TMEFF1: variants seen among roughly 807,000 people sequenced by gnomAD.
The protein encoded by TMEFF1 is transmembrane protein with EGF like and two follistatin like domains 1, also known as tomoregulin-1.
TMEFF1 carries 20 observed loss-of-function variants against 47.5 expected under a neutral mutation model. That is an observed-to-expected ratio of 0.42 (90% confidence interval 0.30 to 0.61). TMEFF1 has a LOEUF of 0.61. TMEFF1 is among the 20% of genes least tolerant of loss of function. The probability of loss-of-function intolerance (pLI) is 0.19; values close to 1 mark genes in which losing one functional copy is unlikely to be tolerated. For synonymous variants in TMEFF1, 162 were observed against 166.3 expected, an observed-to-expected ratio of 0.97 and a Z score of 0.20; for missense variants, 411 against 471.1, an observed-to-expected ratio of 0.87 and a Z score of 1.18.
chr9:100,508,871 CAAAAAAA>C (rs35051442), intron 2 of TMEFF1, 127 bp from the exon 3 acceptor site: 1 of 863,350 alleles, frequency 1.2e-6, no homozygotes, highest in African/African-American at 2.2e-5. Context: ...CTTTTTAAGC[CAAAAAAA>C]AAAAAAAACC....
intron 7 of TMEFF1, among the ~76,000 whole-genome samples, chr9:100,555,650 C>A (rs1838902360): frequency 6.6e-6 from 1 of 152,176 alleles, no homozygotes; most frequent in African/African-American, 2.4e-5. Flanking sequence ...TTACTGAGTT[C>A]ATTATCAGTG....
chr9:100,511,747 A>G (rs1016178134), intron 3 of TMEFF1, among the ~76,000 whole-genome samples: 2 of 152,168 alleles, frequency 1.3e-5, no homozygotes. Context: ...TTCATCTGAC[A>G]TAAGTACCTC....
intron 5 of TMEFF1, 110 bp downstream of exon 5, chr9:100,516,881 A>C (rs1838084216): frequency 2.2e-6 from 3 of 1,379,610 alleles, no homozygotes; most frequent in Non-Finnish European, 2.9e-6. Flanking sequence ...TGTGTTTTCA[A>C]ATTTTTTTTT....
In TMEFF1 at chr9:100,487,820, G is replaced by A. The variant is rs780823336; in HGVS notation, c.197-10945G>A. 5.9e-4 allele frequency among the ~76,000 whole-genome samples: 89 copies of A among 151,204 alleles called. 1 individual carries two copies. The highest frequency in any genetic ancestry group is 2.5e-4 in the Non-Finnish European group (17 of 67,890). On this transcript the variant is annotated intron_variant, in intron 1 of 9. Transcript: ENST00000374879. The stretch of plus-strand genomic sequence containing the variant: ...ACTGGGATTCTCAGATTTAGCACTT[G>A]GTCAAGATCATATAGTTACTTTTAC...
chr9:100,527,391 C>T (rs920109403), intron 5 of TMEFF1, among the ~76,000 whole-genome samples: 1 of 152,288 alleles, frequency 6.6e-6, no homozygotes, highest in Non-Finnish European at 1.5e-5. Flanking sequence ...GCGCACAGTG[C>T]GTGAGCCGAA....
At chr9:100,557,198 A>T (rs1255460809) in intron 7 of TMEFF1, among the ~76,000 whole-genome samples, 1 of 151,760 alleles carries the variant, frequency 6.6e-6, no homozygotes, top group African/African-American at 2.4e-5. Flanking sequence ...TAGTATGTTT[A>T]CAGAGTTGTA....
intron 5 of TMEFF1, among the ~76,000 whole-genome samples, chr9:100,542,738 A>G (rs146907310): frequency 2.6e-5 from 4 of 151,970 alleles, no homozygotes; most frequent in African/African-American, 4.8e-5. Flanking sequence ...CAGTATGTGG[A>G]TCCATTTTTA....
At chr9:100,564,745 G>C (rs1839089824) in intron 8 of TMEFF1, among the ~76,000 whole-genome samples, 1 of 152,188 alleles carries the variant, frequency 6.6e-6, no homozygotes, top group Admixed American at 6.5e-5. Flanking sequence ...AAATCTGAAA[G>C]CCACTCTGGT....
rs1264656581 is a variant in TMEFF1, at chr9:100,577,165, C to T, written c.*565C>T. On this transcript the variant is annotated 3_prime_UTR_variant, in exon 10 of 10. Coordinates refer to ENST00000374879, the MANE Select transcript of TMEFF1 (RefSeq NM_003692.5). ...TATTCCTCCCTTTGAAAAAATAGTC[C>T]TAATAATTTGAACAAATATGTTAGT... 1 of 152,310 alleles carries T rather than the reference C, an allele frequency of 6.6e-6. No individual in the cohort carries two copies. Among genetic ancestry groups the T allele is most frequent in the East Asian group, 1.9e-4 (1 of 5,192 alleles). 9.4% of individuals were successfully genotyped at this position (152,310 alleles called of 1,614,324 possible). A position where few individuals can be genotyped will look rare whatever the true frequency, so the allele number is the denominator to read the frequency against.
chr9:100,561,958 G>A (rs1839025036), intron 8 of TMEFF1, among the ~76,000 whole-genome samples: 1 of 152,114 alleles, frequency 6.6e-6, no homozygotes, highest in African/African-American at 2.4e-5. Flanking sequence ...AAATGGAAAG[G>A]GCGTAAATCC....
intron 1 of TMEFF1, among the ~76,000 whole-genome samples, chr9:100,477,947 A>T (rs1021688315): frequency 6.6e-6 from 1 of 151,966 alleles, no homozygotes; most frequent in African/African-American, 2.4e-5. Context: ...CTTTTTTGAA[A>T]TTTGAGCATG....
At chr9:100,521,788 A>G (rs1173853517) in intron 5 of TMEFF1, among the ~76,000 whole-genome samples, 1 of 152,158 alleles carries the variant, frequency 6.6e-6, no homozygotes, top group Non-Finnish European at 1.5e-5. Flanking sequence ...TTCCTTTTGA[A>G]CTTTGTCTGC....
intron 1 of TMEFF1, among the ~76,000 whole-genome samples, chr9:100,476,246 A>G (rs1163901877): frequency 6.6e-6 from 1 of 152,178 alleles, no homozygotes; most frequent in Non-Finnish European, 1.5e-5. Flanking sequence ...AACGATTCAT[A>G]TGGAAAAAAA....
intron 1 of TMEFF1, among the ~76,000 whole-genome samples, chr9:100,479,571 T>C (rs1033847734): frequency 1.3e-5 from 2 of 152,150 alleles, no homozygotes; most frequent in African/African-American, 4.8e-5. Context: ...TAATCTACTC[T>C]CTATGGATTT....
At chr9:100,557,703 C>T (rs900195334) in intron 7 of TMEFF1, among the ~76,000 whole-genome samples, 1 of 152,040 alleles carries the variant, frequency 6.6e-6, no homozygotes, top group Non-Finnish European at 1.5e-5. Flanking sequence ...GTTATAAAAC[C>T]ATCTTTTGCC....
chr9:100,520,959 T>C (rs1838150304), intron 5 of TMEFF1, among the ~76,000 whole-genome samples: 1 of 152,224 alleles, frequency 6.6e-6, no homozygotes, highest in South Asian at 2.1e-4. Context: ...AAATGTTTTC[T>C]TCTCTCTTGT....
chr9:100,518,004 T>A (rs1336264362), intron 5 of TMEFF1, among the ~76,000 whole-genome samples: 1 of 152,226 alleles, frequency 6.6e-6, no homozygotes, highest in Non-Finnish European at 1.5e-5. Flanking sequence ...AGTGATTGAT[T>A]GGCTTGATCA....
chr9:100,482,885 C>G (rs1455195033), intron 1 of TMEFF1, among the ~76,000 whole-genome samples: 3 of 152,108 alleles, frequency 2.0e-5, no homozygotes, highest in Admixed American at 1.3e-4. Flanking sequence ...TAACTCTTTC[C>G]TTGAATCCAC....
intron 5 of TMEFF1, among the ~76,000 whole-genome samples, chr9:100,527,408 C>T (rs1404271303): frequency 1.3e-5 from 2 of 152,198 alleles, no homozygotes; most frequent in South Asian, 2.1e-4. Flanking sequence ...CGAAGCAGGG[C>T]GAGGCATTGC....
Sources: allele counts gnomAD v4.1 joint callset (sites outside exome capture counted in the v4.1 genomes callset), GRCh38; gene constraint gnomAD v4.1.1; transcripts MANE v1.5; gene names NCBI Gene and HGNC (gene_info 2026-07-23, HGNC 2026-07-21).